The following SPATA9 variants were observed in gnomAD, a reference collection of about 807,000 sequenced individuals.
The protein encoded by SPATA9 is spermatogenesis-associated protein 9.
Under a neutral mutation model 25.5 loss-of-function variants are expected in SPATA9, and 27 were observed. The ratio of observed to expected loss-of-function variants is 1.06; its 90% CI spans 0.78 to 1.46. The LOEUF (loss-of-function observed/expected upper bound fraction) is 1.46, where lower values mean the gene tolerates loss of function less well. SPATA9 is among the 40% of genes most tolerant of loss of function. The pLI is 0.00. For synonymous variants in SPATA9, 102 were observed against 105.7 expected (o/e 0.97, Z 0.21); for missense variants, 282 against 297.5 (o/e 0.95, Z 0.38).
At chr5:95,726,054 G>A in the SPATA9 span, among the ~76,000 whole-genome samples, 1 of 152,118 alleles carries the variant, frequency 6.6e-6, no homozygotes, top group African/African-American at 2.4e-5. Context: ...CACTGAAACA[G>A]AATTTCTCAA....
At chr5:95,668,322 A>G (rs1305939953) in intron 3 of SPATA9, among the ~76,000 whole-genome samples, 1 of 152,216 alleles carries the variant, frequency 6.6e-6, no homozygotes, top group Non-Finnish European at 1.5e-5. Context: ...AAATATTTTA[A>G]TGCTTTTAAT....
chr5:95,714,441 A>C, the SPATA9 span, among the ~76,000 whole-genome samples: 1 of 152,220 alleles, frequency 6.6e-6, no homozygotes, highest in Non-Finnish European at 1.5e-5. Context: ...TTGAAAAAAC[A>C]AAAGTGTTTT....
chr5:95,731,631 C>T, the SPATA9 span: 1 of 1,611,182 alleles, frequency 6.2e-7, no homozygotes, highest in South Asian at 1.1e-5. Context: ...CCCGCGAAGC[C>T]GTGAGCCGCT....
the SPATA9 span, among the ~76,000 whole-genome samples, chr5:95,705,448 AT>A: frequency 5.3e-5 from 8 of 152,336 alleles, no homozygotes; most frequent in East Asian, 9.6e-4. Context: ...GTCAATGACC[AT>A]TTAAAAATAT....
At chr5:95,698,814 C>T (rs1754105155), upstream of SPATA9, 1 of 152,150 alleles carries the variant, frequency 6.6e-6, no homozygotes, top group Non-Finnish European at 1.5e-5. Flanking sequence ...AATAAAAAGA[C>T]TACTACTTAT....
rs185553748 is a variant in SPATA9, at chr5:95,682,727, A to T, written c.61+67T>A. ...CCTAGATGACTCGGAAAGTAAAGGA[A>T]CTCTAGGGGATCTTATTCCCAATTG... On this transcript the variant is annotated intron_variant, in intron 1 of 4. Transcript: ENST00000274432. 1,321 of 1,504,990 alleles carry T rather than the reference A, an allele frequency of 8.8e-4. 4 individuals are homozygous for T. The highest frequency in any genetic ancestry group is 3.7e-3 in the Middle Eastern group (21 of 5,688). 93.2% of individuals were successfully genotyped at this position (1,504,990 alleles called of 1,614,324 possible).
chr5:95,701,805 T>C (rs1320125015), upstream of SPATA9, among the ~76,000 whole-genome samples: 1 of 152,210 alleles, frequency 6.6e-6, no homozygotes, highest in African/African-American at 2.4e-5. Context: ...AGATGTAGAC[T>C]TTGTACAACA....
At chr5:95,683,214 G>T (rs936763481), upstream of SPATA9, among the ~76,000 whole-genome samples, 3 of 151,850 alleles carry the variant, frequency 2.0e-5, no homozygotes, top group Non-Finnish European at 2.9e-5. Flanking sequence ...AGAACAAAAG[G>T]TCCCTTTGAA....
rs995586127 is a variant in SPATA9, at chr5:95,680,064, A to AT, written c.150+2463dup. 2.4e-4 allele frequency among the ~76,000 whole-genome samples: 37 copies of AT among 152,124 alleles called. 3 individuals are homozygous for AT. Among genetic ancestry groups the AT allele is most frequent in the African/African-American group, 8.0e-4 (33 of 41,508 alleles). On this transcript the variant is annotated intron_variant, in intron 2 of 4. Transcript: ENST00000274432. Reference sequence around the variant, plus strand: ...AGGCGCCCGCCACATTGCCTGGCTAATTTTTTTGTATTTTTAGTAGAGACG... The same window carrying AT: ...AGGCGCCCGCCACATTGCCTGGCTAATTTTTTTTGTATTTTTAGTAGAGACG...
At chr5:95,717,645 T>G in the SPATA9 span, 2 of 152,148 alleles carry the variant, frequency 1.3e-5, no homozygotes, top group Non-Finnish European at 2.9e-5. Flanking sequence ...TGACTAAACC[T>G]AACTAGAAGC....
the SPATA9 span, among the ~76,000 whole-genome samples, chr5:95,713,362 G>A: frequency 6.6e-6 from 1 of 151,992 alleles, no homozygotes; most frequent in South Asian, 2.1e-4. Flanking sequence ...CCCGGTGGGA[G>A]GTGATTGGAT....
chr5:95,697,671 T>A (rs1052262816), intron 1 of SPATA9, among the ~76,000 whole-genome samples: 1 of 152,226 alleles, frequency 6.6e-6, no homozygotes, highest in African/African-American at 2.4e-5. Context: ...AGCTCATCAT[T>A]GTGGATGCAA....
chr5:95,653,080 T>G, exon 9 of SPATA9: 1 of 1,549,784 alleles, frequency 6.5e-7, no homozygotes. Flanking sequence ...CCAAGACTTT[T>G]CTTTCCTTCA....
intron 1 of SPATA9, among the ~76,000 whole-genome samples, chr5:95,694,035 C>G (rs1025610478): frequency 2.0e-5 from 3 of 152,014 alleles, no homozygotes; most frequent in Non-Finnish European, 4.4e-5. Flanking sequence ...CGTCACACAC[C>G]TGTAGTCCTA....
chr5:95,659,049 C>T lies in SPATA9; in HGVS notation c.475-136G>A, dbSNP rs1056463818. On this transcript the variant is annotated intron_variant, in intron 4 of 4. Coordinates refer to ENST00000274432, the MANE Select transcript of SPATA9 (RefSeq NM_031952.4). ...AATAAAAAACACTTCTTTTCAGGAC[C>T]TTCAGGTACATAATATAATAAGCAT... 3.7e-6 allele frequency: 4 copies of T among 1,073,324 alleles called. No homozygotes were observed. The Admixed American group carries it at 1.2e-4, about 33-fold the overall frequency. The allele number at this position is 1,073,324 out of a possible 1,614,324, so 66.5% of individuals were successfully genotyped here. A position where few individuals can be genotyped will look rare whatever the true frequency, so the allele number is the denominator to read the frequency against.
upstream of SPATA9, among the ~76,000 whole-genome samples, chr5:95,686,635 C>G (rs1209307439): frequency 6.6e-6 from 1 of 152,054 alleles, no homozygotes; most frequent in African/African-American, 2.4e-5. Flanking sequence ...CAAACAGGTC[C>G]TGATGTTGGA....
chr5:95,688,764 T>C (rs1753810693), intron 1 of SPATA9, among the ~76,000 whole-genome samples: 2 of 152,040 alleles, frequency 1.3e-5, no homozygotes, highest in African/African-American at 4.8e-5. Context: ...ACCTAATGGG[T>C]ACAATGTACA....
At chr5:95,671,752 C>A (rs1752400454) in intron 3 of SPATA9, among the ~76,000 whole-genome samples, 1 of 152,010 alleles carries the variant, frequency 6.6e-6, no homozygotes, top group Non-Finnish European at 1.5e-5. Flanking sequence ...TATTTCACTT[C>A]CAATAAATTT....
At chr5:95,659,212 A>G (rs777655023) in intron 4 of SPATA9, 5 of 247,898 alleles carry the variant, frequency 2.0e-5, no homozygotes, top group Non-Finnish European at 3.1e-5. Context: ...ATGTAATTAA[A>G]TGAAACATTT....
Sources: allele counts gnomAD v4.1 joint callset (sites outside exome capture counted in the v4.1 genomes callset), GRCh38; gene constraint gnomAD v4.1.1; transcripts MANE v1.5; gene names NCBI Gene and HGNC (gene_info 2026-07-23, HGNC 2026-07-21).